GPC5: variants seen among roughly 807,000 people sequenced by gnomAD.
The protein encoded by GPC5 is glypican-5.
Under a neutral mutation model 53.9 loss-of-function variants are expected in GPC5, and 47 were observed. The ratio of observed to expected loss-of-function variants is 0.87; its 90% CI spans 0.69 to 1.11. The LOEUF (loss-of-function observed/expected upper bound fraction) is 1.11, where lower values mean the gene tolerates loss of function less well. Ranked by LOEUF, GPC5 falls within the 50% of genes most tolerant of loss-of-function variation. The pLI is 0.00. For missense variants in GPC5, 748 were observed against 713.1 expected, an observed-to-expected ratio of 1.05 and a Z score of -0.56; for synonymous variants, 286 against 263.3, an observed-to-expected ratio of 1.09 and a Z score of -0.84.
chr13:92,096,638 CTTAGACCCT>C (rs2041424260), intron 6 of GPC5, among the ~76,000 whole-genome samples: 1 of 152,182 alleles, frequency 6.6e-6, no homozygotes, highest in Non-Finnish European at 1.5e-5. Context: ...ATGGAAATAG[CTTAGACCCT>C]TTATTGCTGT....
intron 7 of GPC5, among the ~76,000 whole-genome samples, chr13:92,755,532 A>T (rs1248634023): frequency 6.6e-5 from 10 of 151,822 alleles, no homozygotes; most frequent in Admixed American, 6.6e-4. Context: ...AAAATCAATG[A>T]ATCCAGGAGC....
intron 2 of GPC5, among the ~76,000 whole-genome samples, chr13:91,594,611 G>A (rs554695282): frequency 3.2e-4 from 31 of 96,800 alleles, no homozygotes; most frequent in African/African-American, 8.4e-4. Context: ...CACTATTGTT[G>A]TTTCTTTTTC....
intron 2 of GPC5, among the ~76,000 whole-genome samples, chr13:91,661,485 T>G (rs1323495005): frequency 6.6e-6 from 1 of 152,220 alleles, no homozygotes; most frequent in Non-Finnish European, 1.5e-5. Flanking sequence ...ACTCTTAGGT[T>G]TACTTTCTGG....
At chr13:92,534,326 C>T (rs950590034) in intron 7 of GPC5, among the ~76,000 whole-genome samples, 2 of 151,964 alleles carry the variant, frequency 1.3e-5, no homozygotes, top group African/African-American at 4.8e-5. Context: ...ATAGTTGTGT[C>T]CTATACAACT....
intron 7 of GPC5, among the ~76,000 whole-genome samples, chr13:92,374,209 G>T (rs9589524): frequency 0.53 from 80,714 of 151,902 alleles, 21,633 homozygotes; most frequent in East Asian, 0.55. Flanking sequence ...CAGAAATAGG[G>T]TAACATTTTC....
At position 92,428,116 on chromosome 13, in the gene GPC5, A is replaced by G. The variant is rs1876917178; in HGVS notation, c.1561+283127A>G. ...TTACTACCGTGGTCAACAGATATAA[A>G]TACATAGAAATGATTCCAAATATCT... is the stretch of plus-strand genomic sequence containing the variant. On this transcript the variant is annotated intron_variant, in intron 7 of 7. Transcript: ENST00000377067. 2.0e-5 allele frequency among the ~76,000 whole-genome samples: 3 copies of G among 152,242 alleles called. No individual in the cohort carries two copies. In the South Asian group the frequency reaches 6.2e-4, roughly 32 times the overall value.
At chr13:92,854,327 C>A in intron 7 of GPC5, among the ~76,000 whole-genome samples, 1 of 144,802 alleles carries the variant, frequency 6.9e-6, no homozygotes, top group South Asian at 2.2e-4. Flanking sequence ...TATAGATTAC[C>A]CCAACTGTAG....
chr13:91,680,859 T>A (rs2035492302), intron 2 of GPC5, among the ~76,000 whole-genome samples: 1 of 152,188 alleles, frequency 6.6e-6, no homozygotes. Context: ...TACAATCATG[T>A]AAAACAATGA....
At chr13:92,634,380 A>G (rs1265025840) in intron 7 of GPC5, among the ~76,000 whole-genome samples, 2 of 152,092 alleles carry the variant, frequency 1.3e-5, no homozygotes, top group Non-Finnish European at 2.9e-5. Flanking sequence ...GATGAGAATA[A>G]AAAGGTGAGG....
chr13:91,506,029 G>A (rs997813664), intron 2 of GPC5, among the ~76,000 whole-genome samples: 6 of 151,924 alleles, frequency 3.9e-5, no homozygotes, highest in African/African-American at 9.7e-5. Flanking sequence ...TATGTGATAC[G>A]GGTTTGCACA....
intron 2 of GPC5, among the ~76,000 whole-genome samples, chr13:91,585,095 G>T (rs527542147): frequency 6.6e-6 from 1 of 152,216 alleles, no homozygotes; most frequent in South Asian, 2.1e-4. Flanking sequence ...CATAACAAAG[G>T]TGTTCAATCT....
At chr13:91,774,049 AG>A (rs1046424354) in intron 5 of GPC5, among the ~76,000 whole-genome samples, 1 of 152,172 alleles carries the variant, frequency 6.6e-6, no homozygotes, top group Non-Finnish European at 1.5e-5. Context: ...TCTCTCTAAA[AG>A]TTTTGTAACA....
intron 7 of GPC5, among the ~76,000 whole-genome samples, chr13:92,409,086 C>T (rs1358808598): frequency 6.6e-6 from 1 of 151,824 alleles, no homozygotes; most frequent in East Asian, 1.9e-4. Flanking sequence ...CACACATTCA[C>T]ACAGTATAGA....
chr13:91,784,575 T>C (rs1238136626), intron 5 of GPC5, among the ~76,000 whole-genome samples: 2 of 151,992 alleles, frequency 1.3e-5, no homozygotes, highest in African/African-American at 4.8e-5. Flanking sequence ...AAATACAAAA[T>C]TAGCCAGGCA....
intron 7 of GPC5, among the ~76,000 whole-genome samples, chr13:92,542,664 C>A (rs1392517937): frequency 2.6e-5 from 4 of 151,962 alleles, no homozygotes; most frequent in Admixed American, 1.3e-4. Context: ...GTTTCTTGTA[C>A]GGCAAACCTA....
At chr13:92,845,931 G>T (rs2138838758) in intron 7 of GPC5, among the ~76,000 whole-genome samples, 1 of 152,070 alleles carries the variant, frequency 6.6e-6, no homozygotes, top group African/African-American at 2.4e-5. Flanking sequence ...CTAAACTGGG[G>T]ATATATATAT....
rs998714671 is a variant in GPC5 at position 91,933,006 on chromosome 13, C to T, written c.1401+24949C>T. 1.4e-4 allele frequency among the ~76,000 whole-genome samples: 21 copies of T among 152,048 alleles called. 1 individual carries two copies. Among genetic ancestry groups the T allele is most frequent in the Admixed American group, 1.1e-3 (16 of 15,228 alleles). ...TTTTTGCTGTTGCTTTGTTAATATG[C>T]ATTTGAAATTTTTAAAGTGGCATTA... On this transcript the variant is annotated intron_variant, in intron 6 of 7. Transcript: ENST00000377067.
At chr13:91,889,983 A>C (rs1055364514) in intron 5 of GPC5, among the ~76,000 whole-genome samples, 1 of 152,230 alleles carries the variant, frequency 6.6e-6, no homozygotes, top group Non-Finnish European at 1.5e-5. Context: ...GGGATAGGGT[A>C]TTTCAGTAGG....
chr13:91,920,465 G>C (rs1215701468), intron 6 of GPC5, among the ~76,000 whole-genome samples: 4 of 152,110 alleles, frequency 2.6e-5, no homozygotes, highest in African/African-American at 7.2e-5. Context: ...CTAATAAAGA[G>C]AATGAATTTA....
Sources: allele counts gnomAD v4.1 joint callset (sites outside exome capture counted in the v4.1 genomes callset), GRCh38; gene constraint gnomAD v4.1.1; transcripts MANE v1.5; gene names NCBI Gene and HGNC (gene_info 2026-07-23, HGNC 2026-07-21).